MAP3K1: variants seen among roughly 807,000 people sequenced by gnomAD.
MAP3K1 encodes mitogen-activated protein kinase kinase kinase 1.
In MAP3K1, 36 loss-of-function variants were observed where a neutral mutation model predicts 144.2. The ratio of observed to expected loss-of-function variants is 0.25; its 90% CI spans 0.19 to 0.33. The LOEUF (loss-of-function observed/expected upper bound fraction) is 0.33, where lower values mean the gene tolerates loss of function less well. MAP3K1 is among the 10% of genes least tolerant of loss of function. The probability of loss-of-function intolerance (pLI) is 1.00; values close to 1 mark genes in which losing one functional copy is unlikely to be tolerated. For missense variants in MAP3K1, 1,650 were observed against 1,881.9 expected, an observed-to-expected ratio of 0.88 and a Z score of 2.28; for synonymous variants, 718 against 688.7, an observed-to-expected ratio of 1.04 and a Z score of -0.67.
At chr5:56,857,858 C>T (rs1747386329) in intron 2 of MAP3K1, among the ~76,000 whole-genome samples, 2 of 152,174 alleles carry the variant, frequency 1.3e-5, no homozygotes. Context: ...GAATATTTTA[C>T]CCACTGGTTC....
At chr5:56,865,001 T>C in intron 4 of MAP3K1, 67 bp downstream of exon 4, 1 of 1,360,564 alleles carries the variant, frequency 7.3e-7, no homozygotes, top group East Asian at 2.3e-5. Flanking sequence ...ATTTATATAC[T>C]ATAATGTTCT....
intron 1 of MAP3K1, chr5:56,820,302 A>G (rs1465819066): frequency 2.8e-6 from 1 of 354,010 alleles, no homozygotes; most frequent in Non-Finnish European, 4.0e-6. Flanking sequence ...TTCAATCCCA[A>G]GTCAGACTGA....
intron 17 of MAP3K1, among the ~76,000 whole-genome samples, chr5:56,887,131 A>G (rs1212194117): frequency 6.6e-6 from 1 of 152,208 alleles, no homozygotes; most frequent in Admixed American, 6.5e-5. Context: ...ATTTGACATA[A>G]TGTGTTGAAG....
intron 9 of MAP3K1, among the ~76,000 whole-genome samples, chr5:56,874,769 A>ATACAT (rs1561194809): frequency 6.6e-6 from 1 of 152,182 alleles, no homozygotes; most frequent in African/African-American, 2.4e-5. Context: ...ATGTATAGCC[A>ATACAT]TCTAGTGACT....
At chr5:56,871,772 T>C (rs1747859835) in intron 6 of MAP3K1, 138 bp from the exon 7 acceptor site, 1 of 713,232 alleles carries the variant, frequency 1.4e-6, no homozygotes, top group African/African-American at 1.8e-5. Flanking sequence ...AGTGTAAATA[T>C]GTATCTCTTA....
At chr5:56,843,935 T>G (rs763039700) in intron 1 of MAP3K1, among the ~76,000 whole-genome samples, 1 of 152,134 alleles carries the variant, frequency 6.6e-6, no homozygotes, top group Non-Finnish European at 1.5e-5. Flanking sequence ...CAGTACAGGT[T>G]TCTTAGAGTA....
rs1222380251 is a variant in MAP3K1 at position 56,875,147 on chromosome 5, A to T, written c.1802A>T (p.Glu601Val). The change falls in exon 10 of 20, where the codon GAG (glutamate) becomes GTG (valine). Residue 601 changes from glutamate (E) to valine (V), a missense_variant. Physicochemically the swap from Glu to Val is moderately radical, Grantham distance 121. This residue lies in a region of MAP3K1 where 841 missense variants were observed against 886.5 expected (regional missense o/e 0.95). Coordinates refer to ENST00000399503, the MANE Select transcript of MAP3K1 (RefSeq NM_005921.2). ...GGGGCCCTGCTGTTGGCAAATGGGG[A>T]GAGCACTGGAAATTCTGGGGGCAGC... is the stretch of plus-strand genomic sequence containing the variant. ...VSGALLLANG[E>V]STGNSGGSSG... The T allele has an allele frequency of 1.2e-6, 2 of 1,614,150 alleles. No individual in the cohort carries two copies. The highest frequency in any genetic ancestry group is 2.2e-5 in the South Asian group (2 of 91,078).
In MAP3K1 at chr5:56,824,919, C is replaced by G. The variant is rs185172221; in HGVS notation, c.482+8864C>G. Among the ~76,000 whole-genome samples the G allele has an allele frequency of 5.7e-4, 87 of 151,804 alleles. 2 individuals carry two copies. In the East Asian group the frequency reaches 0.012, roughly 21 times the overall value. ...TCACCACTACCACTAATATACTGATCTTTTCCGGTTTTTTAAAAAAAATTT... is the reference window on the plus strand; with the variant it reads ...TCACCACTACCACTAATATACTGATGTTTTCCGGTTTTTTAAAAAAAATTT... On this transcript the variant is annotated intron_variant, in intron 1 of 19. Coordinates refer to ENST00000399503, the MANE Select transcript of MAP3K1 (RefSeq NM_005921.2).
rs1459656127 is a variant in MAP3K1 at position 56,894,355 on chromosome 5, C to CT, written c.*682dup. On this transcript the variant is annotated 3_prime_UTR_variant, in exon 20 of 20. Transcript: ENST00000399503. ...TTTTGTTTATTCAGGGAAAGCTGATCTTTTTTTCAAACCAGAAAAAAAAAA... is the reference window on the plus strand; with the variant it reads ...TTTTGTTTATTCAGGGAAAGCTGATCTTTTTTTTCAAACCAGAAAAAAAAAA... 8.7e-6 allele frequency: 2 copies of CT among 230,276 alleles called. No homozygotes were observed. Among genetic ancestry groups the CT allele is most frequent in the African/African-American group, 2.2e-5 (1 of 44,626 alleles). 14.3% of individuals were successfully genotyped at this position (230,276 alleles called of 1,614,324 possible). A position where few individuals can be genotyped will look rare whatever the true frequency, so the allele number is the denominator to read the frequency against.
intron 18 of MAP3K1, 170 bp from the exon 19 acceptor site, chr5:56,888,056 A>C (rs761727586): frequency 9.8e-5 from 62 of 635,350 alleles, no homozygotes; most frequent in Non-Finnish European, 1.6e-4. Context: ...TTTTTGTGCT[A>C]CCTGGAAAAT....
intron 1 of MAP3K1, among the ~76,000 whole-genome samples, chr5:56,853,494 T>C (rs1255689147): frequency 1.3e-5 from 2 of 152,294 alleles, no homozygotes; most frequent in African/African-American, 2.4e-5. Flanking sequence ...TTCATACTTA[T>C]TATGAGCCAG....
chr5:56,875,331 A>C, intron 10 of MAP3K1, 21 bp downstream of exon 10: 1 of 1,612,794 alleles, frequency 6.2e-7, no homozygotes, highest in Non-Finnish European at 8.5e-7. Flanking sequence ...TTATTCCATA[A>C]TCATATCATT....
intron 10 of MAP3K1, among the ~76,000 whole-genome samples, chr5:56,878,618 C>T (rs188609853): frequency 6.1e-4 from 93 of 152,222 alleles, no homozygotes; most frequent in Admixed American, 1.4e-3. Context: ...GGTTGCAACC[C>T]AGTACTACCA....
At chr5:56,850,053 CT>C (rs1747121037) in intron 1 of MAP3K1, among the ~76,000 whole-genome samples, 1 of 152,214 alleles carries the variant, frequency 6.6e-6, no homozygotes, top group African/African-American at 2.4e-5. Context: ...AATTGTCAGC[CT>C]TTCTGTTTCA....
At position 56,895,373 on chromosome 5, in the gene MAP3K1, T is replaced by TA. The variant is rs1250148621; in HGVS notation, c.*1693_*1694insA. On this transcript the variant is annotated 3_prime_UTR_variant, in exon 20 of 20. Coordinates refer to ENST00000399503, the MANE Select transcript of MAP3K1 (RefSeq NM_005921.2). The stretch of plus-strand genomic sequence containing the variant: ...GACTTTCTTTTTTATTTTGTTTTTT[T>TA]TTTTTTTTGACTACTTAGAATTTTC... The TA allele has an allele frequency of 2.6e-5, 6 of 229,370 alleles. No homozygotes were observed. The highest frequency in any genetic ancestry group is 1.1e-4 in the Admixed American group (2 of 17,634). 14.2% of individuals were successfully genotyped at this position (229,370 alleles called of 1,614,324 possible). A position where few individuals can be genotyped will look rare whatever the true frequency, so the allele number is the denominator to read the frequency against.
chr5:56,835,968 C>G (rs1217577719), intron 1 of MAP3K1, among the ~76,000 whole-genome samples: 1 of 152,142 alleles, frequency 6.6e-6, no homozygotes, highest in African/African-American at 2.4e-5. Context: ...TATAACAAAA[C>G]ATTCACTCAT....
In MAP3K1 at chr5:56,893,757, A is replaced by T; in HGVS notation, c.*77A>T. 1.3e-6 allele frequency: 2 copies of T among 1,496,224 alleles called. No homozygotes were observed. The allele number at this position is 1,496,224 out of a possible 1,614,324, so 92.7% of individuals were successfully genotyped here. A position where few individuals can be genotyped will look rare whatever the true frequency, so the allele number is the denominator to read the frequency against. On this transcript the variant is annotated 3_prime_UTR_variant, in exon 20 of 20. Transcript: ENST00000399503. ...AAAACTTGTGGGGAACCACATTGAT[A>T]TTCTACTGGCCATGATGCCACTGAA...
Position 56,864,811 on chromosome 5 carries a change from A to G in MAP3K1, c.912A>G (p.Thr304=), listed in dbSNP as rs1316312643. ...DGFSPYSPEE[T]NRRVNKVMRA... ...TCTCACCATATAGCCCTGAGGAAACAAACCGCCGTGTTAACAAAGTGATGC... is the reference window on the plus strand; with the variant it reads ...TCTCACCATATAGCCCTGAGGAAACGAACCGCCGTGTTAACAAAGTGATGC... Residue 304 remains threonine, a synonymous_variant, in exon 4 of 20, where the codon ACA becomes ACG. Coordinates refer to ENST00000399503, the MANE Select transcript of MAP3K1 (RefSeq NM_005921.2). 2 of 1,613,962 alleles carry G rather than the reference A, an allele frequency of 1.2e-6. No homozygotes were observed. The highest frequency in any genetic ancestry group is 3.3e-5 in the Admixed American group (2 of 60,000).
intron 1 of MAP3K1, among the ~76,000 whole-genome samples, chr5:56,843,529 T>TTTTGG (rs1187327443): frequency 3.9e-5 from 6 of 152,174 alleles, no homozygotes; most frequent in East Asian, 1.9e-4. Context: ...TACCAAGGTT[T>TTTTGG]TTTGGTTTGG....
Sources: allele counts gnomAD v4.1 joint callset (sites outside exome capture counted in the v4.1 genomes callset), GRCh38; gene constraint gnomAD v4.1.1; regional missense constraint gnomAD v4.1.1; transcripts MANE v1.5; gene names NCBI Gene and HGNC (gene_info 2026-07-23, HGNC 2026-07-21).